Variants in CLEC4A observed in about 807,000 individuals in gnomAD.
CLEC4A encodes C-type (calcium dependent, carbohydrate-recognition domain) lectin, superfamily member 6.
A neutral mutation model predicts 32.7 loss-of-function variants in CLEC4A; 27 were observed. The ratio of observed to expected loss-of-function variants is 0.83; its 90% CI spans 0.61 to 1.14. The LOEUF (loss-of-function observed/expected upper bound fraction) is 1.14. Among genes scored for constraint, CLEC4A ranks in the 50% most tolerant of loss-of-function variants. The probability of loss-of-function intolerance (pLI) is 0.00; values close to 1 mark genes in which losing one functional copy is unlikely to be tolerated. For missense variants in CLEC4A, 253 were observed against 274.6 expected, an observed-to-expected ratio of 0.92 and a Z score of 0.55; for synonymous variants, 89 against 93.7, an observed-to-expected ratio of 0.95 and a Z score of 0.29.
chr12:8,128,704 C>A (rs1947942389), intron 2 of CLEC4A, among the ~76,000 whole-genome samples: 1 of 152,064 alleles, frequency 6.6e-6, no homozygotes, highest in African/African-American at 2.4e-5. Context: ...GCCAAAAGTT[C>A]AGTTTCTAGA....
chr12:8,135,923 T>G (rs1357618101), intron 4 of CLEC4A, among the ~76,000 whole-genome samples, 187 bp downstream of exon 4: 1 of 152,070 alleles, frequency 6.6e-6, no homozygotes, highest in East Asian at 1.9e-4. Context: ...AAAACTAACC[T>G]CCCCGGAAGA....
At chr12:8,122,766 G>A (rs1947845154), upstream of CLEC4A, among the ~76,000 whole-genome samples, 1 of 152,116 alleles carries the variant, frequency 6.6e-6, no homozygotes, top group Non-Finnish European at 1.5e-5. Context: ...TGAACTCATG[G>A]TGTTCAATAT....
chr12:8,125,605 C>T lies in CLEC4A; in HGVS notation c.127C>T (p.Pro43Ser), dbSNP rs760036177. ...TAPHKSNTGF[P>S]KLLCASLLIF... ...CCCTCACAAAAGTAATACCGGATTCCCCAAGCTGCTTTGTGCCTCACTGTT... is the reference window on the plus strand; with the variant it reads ...CCCTCACAAAAGTAATACCGGATTCTCCAAGCTGCTTTGTGCCTCACTGTT... The change falls in exon 2 of 6, where the codon CCC becomes TCC. Residue 43 changes from proline (P) to serine (S), a missense_variant. By Grantham distance (74) the Pro-to-Ser change is moderately conservative. Transcript: ENST00000229332. 8 of 1,613,408 alleles carry T rather than the reference C, an allele frequency of 5.0e-6. No homozygotes were observed. The East Asian group carries it at 1.3e-4, about 27-fold the overall frequency.
the CLEC4A span, among the ~76,000 whole-genome samples, chr12:8,112,165 T>A: frequency 6.6e-6 from 1 of 151,940 alleles, no homozygotes; most frequent in Non-Finnish European, 1.5e-5. Context: ...ATGGGGTTTC[T>A]CCATGTTGGT....
At chr12:8,110,683 C>T in the CLEC4A span, among the ~76,000 whole-genome samples, 2 of 152,124 alleles carry the variant, frequency 1.3e-5, no homozygotes, top group African/African-American at 4.8e-5. Flanking sequence ...TATTAGACAT[C>T]AGGTTTTTAA....
intron 3 of CLEC4A, chr12:8,134,901 T>C: frequency 1.4e-6 from 2 of 1,451,580 alleles, no homozygotes; most frequent in Non-Finnish European, 1.8e-6. Flanking sequence ...TTTCTTTATA[T>C]CTTCTAGTTC....
chr12:8,126,261 T>C (rs1204126687), intron 2 of CLEC4A, among the ~76,000 whole-genome samples: 1 of 152,058 alleles, frequency 6.6e-6, no homozygotes, highest in African/African-American at 2.4e-5. Context: ...CTGGAGTGCA[T>C]TGGTGCAATC....
chr12:8,137,897 A>G (rs1948152603), intron 5 of CLEC4A, among the ~76,000 whole-genome samples: 1 of 152,160 alleles, frequency 6.6e-6, no homozygotes, highest in Non-Finnish European at 1.5e-5. Context: ...ACCTCTAGAA[A>G]ATCTATGGTG....
chr12:8,131,915 G>A (rs984301631), intron 3 of CLEC4A, among the ~76,000 whole-genome samples: 2 of 151,904 alleles, frequency 1.3e-5, no homozygotes, highest in Admixed American at 6.6e-5. Context: ...GTGCTATGGT[G>A]GTTTGCTACA....
intron 4 of CLEC4A, 29 bp from the exon 5 acceptor site, chr12:8,136,757 AAG>A (rs1948124619): frequency 1.5e-6 from 2 of 1,356,750 alleles, no homozygotes; most frequent in Admixed American, 3.4e-5. Context: ...GAATACTGTA[AAG>A]GCTGTGACTC....
rs1268234170 is a variant in CLEC4A, at chr12:8,138,061, C to T, written c.567-79C>T. 3 of 1,459,054 alleles carry T rather than the reference C, an allele frequency of 2.1e-6. No individual in the cohort carries two copies. In the African/African-American group the frequency reaches 4.3e-5, roughly 21 times the overall value. The allele number at this position is 1,459,054 out of a possible 1,614,324, so 90.4% of individuals were successfully genotyped here. A position where few individuals can be genotyped will look rare whatever the true frequency, so the allele number is the denominator to read the frequency against. On this transcript the variant is annotated intron_variant, in intron 5 of 5. Transcript: ENST00000229332. ...GACCCTATGTTCCATGAAATTCATC[C>T]CTCGCTCCTCACCCCTGTCTCTAAC... is the stretch of plus-strand genomic sequence containing the variant.
chr12:8,129,170 A>G (rs1591608223), intron 2 of CLEC4A, 94 bp from the exon 3 acceptor site: 1 of 753,176 alleles, frequency 1.3e-6, no homozygotes, highest in Non-Finnish European at 2.2e-6. Flanking sequence ...GGCATTTGTA[A>G]GTTTTATTTC....
chr12:8,103,435 G>A, the CLEC4A span, among the ~76,000 whole-genome samples: 20 of 128,560 alleles, frequency 1.6e-4, no homozygotes, highest in Admixed American at 6.0e-4. Context: ...CGCCCAGGCT[G>A]GAGGGCAGTG....
intron 4 of CLEC4A, among the ~76,000 whole-genome samples, chr12:8,136,416 T>C (rs1411058217): frequency 1.3e-5 from 2 of 151,918 alleles, no homozygotes; most frequent in Non-Finnish European, 2.9e-5. Context: ...AATACAAAAA[T>C]TAGCCAGGCA....
At chr12:8,114,455 A>G in the CLEC4A span, among the ~76,000 whole-genome samples, 1 of 152,042 alleles carries the variant, frequency 6.6e-6, no homozygotes, top group African/African-American at 2.4e-5. Context: ...CGTGTTAGCC[A>G]GGATGGTCTC....
At chr12:8,137,578 C>A (rs1948145800) in intron 5 of CLEC4A, among the ~76,000 whole-genome samples, 1 of 152,110 alleles carries the variant, frequency 6.6e-6, no homozygotes, top group African/African-American at 2.4e-5. Context: ...AAAATACATA[C>A]TTTACTGGAT....
At chr12:8,127,605 A>G (rs1391671465) in intron 2 of CLEC4A, among the ~76,000 whole-genome samples, 3 of 152,228 alleles carry the variant, frequency 2.0e-5, no homozygotes, top group Non-Finnish European at 4.4e-5. Flanking sequence ...GGTGTGGAAA[A>G]TGGATAAATG....
chr12:8,119,692 G>A (rs1205958392), upstream of CLEC4A, among the ~76,000 whole-genome samples: 1 of 152,132 alleles, frequency 6.6e-6, no homozygotes, highest in African/African-American at 2.4e-5. Context: ...ATAGTCTAAC[G>A]AATATCTTGT....
chr12:8,104,502 TTC>T, the CLEC4A span, among the ~76,000 whole-genome samples: 1 of 152,212 alleles, frequency 6.6e-6, no homozygotes, highest in African/African-American at 2.4e-5. Flanking sequence ...GTTGATTCTC[TTC>T]AAGAAACAAT....
Sources: gnomAD v4.1 joint callset for allele counts (sites outside exome capture counted in the v4.1 genomes callset) on GRCh38, gnomAD v4.1.1 for gene constraint, MANE v1.5 for transcripts, NCBI Gene and HGNC (gene_info 2026-07-23, HGNC 2026-07-21) for gene names.